IMMP2L: variants seen among roughly 807,000 people sequenced by gnomAD.
IMMP2L encodes inner mitochondrial membrane peptidase subunit 2, also known as mitochondrial inner membrane protease subunit 2.
A neutral mutation model predicts 19.3 loss-of-function variants in IMMP2L; 18 were observed. That is an observed-to-expected ratio of 0.93 (90% CI 0.64 to 1.38). The LOEUF is 1.38. Ranked by LOEUF, IMMP2L falls within the 40% of genes most tolerant of loss-of-function variation. IMMP2L has a pLI of 0.00. For synonymous variants in IMMP2L, 76 were observed against 73.0 expected, an observed-to-expected ratio of 1.04 and a Z score of -0.21; for missense variants, 233 against 218.2, an observed-to-expected ratio of 1.07 and a Z score of -0.43.
At chr7:111,360,792 T>C (rs1829188858) in intron 3 of IMMP2L, among the ~76,000 whole-genome samples, 1 of 152,120 alleles carries the variant, frequency 6.6e-6, no homozygotes, top group African/African-American at 2.4e-5. Flanking sequence ...CACTATAGCC[T>C]GGGCGACAGA....
chr7:110,785,755 T>A (rs547688400), intron 5 of IMMP2L, among the ~76,000 whole-genome samples: 10 of 151,982 alleles, frequency 6.6e-5, no homozygotes, highest in African/African-American at 2.4e-4. Context: ...CAACAGGCTA[T>A]ATCATCATAT....
intron 4 of IMMP2L, among the ~76,000 whole-genome samples, chr7:110,932,716 G>T (rs2129551915): frequency 6.6e-6 from 1 of 152,004 alleles, no homozygotes; most frequent in Admixed American, 6.5e-5. Flanking sequence ...TTTTGCCTTT[G>T]CAAAAAAAGG....
At chr7:110,913,323 A>G (rs1164132607) in intron 4 of IMMP2L, among the ~76,000 whole-genome samples, 4 of 152,178 alleles carry the variant, frequency 2.6e-5, no homozygotes, top group Non-Finnish European at 4.4e-5. Flanking sequence ...TGGTTAGCAA[A>G]TGCCAAGGAG....
chr7:110,703,643 G>A (rs1041270953), intron 5 of IMMP2L, among the ~76,000 whole-genome samples: 2 of 152,060 alleles, frequency 1.3e-5, no homozygotes, highest in Admixed American at 6.6e-5. Flanking sequence ...AAGCAATGGG[G>A]AACAAAGAAA....
intron 3 of IMMP2L, among the ~76,000 whole-genome samples, chr7:111,087,971 C>T (rs1796501110): frequency 6.6e-6 from 1 of 152,084 alleles, no homozygotes; most frequent in African/African-American, 2.4e-5. Context: ...AGAGATAATA[C>T]TTTTAAACCA....
chr7:111,500,345 G>C (rs1844073569), intron 2 of IMMP2L, among the ~76,000 whole-genome samples: 1 of 152,186 alleles, frequency 6.6e-6, no homozygotes, highest in African/African-American at 2.4e-5. Flanking sequence ...AGCTCAAGGA[G>C]GCCTGCCTGC....
chr7:110,986,702 G>GTCAAA (rs935649665), intron 3 of IMMP2L, among the ~76,000 whole-genome samples: 2 of 151,906 alleles, frequency 1.3e-5, no homozygotes, highest in Non-Finnish European at 2.9e-5. Context: ...TTGATTGTTG[G>GTCAAA]TCAAATCTCA....
intron 3 of IMMP2L, among the ~76,000 whole-genome samples, chr7:111,101,879 T>G (rs2129580282): frequency 6.6e-6 from 1 of 151,582 alleles, no homozygotes; most frequent in African/African-American, 2.4e-5. Flanking sequence ...TTCTTGGCAG[T>G]CAGGTGATAT....
At chr7:111,540,314 C>T (rs1048060423) in intron 1 of IMMP2L, among the ~76,000 whole-genome samples, 1 of 152,066 alleles carries the variant, frequency 6.6e-6, no homozygotes, top group African/African-American at 2.4e-5. Context: ...GACTAATAAG[C>T]AAAAATGGGC....
chr7:111,380,397 C>T (rs1831083575), intron 3 of IMMP2L, among the ~76,000 whole-genome samples: 1 of 151,932 alleles, frequency 6.6e-6, no homozygotes, highest in South Asian at 2.1e-4. Context: ...CACACACAGA[C>T]TGATAACAAC....
intron 4 of IMMP2L, among the ~76,000 whole-genome samples, chr7:110,895,912 G>A (rs1254875299): frequency 6.6e-6 from 1 of 151,926 alleles, no homozygotes; most frequent in African/African-American, 2.4e-5. Flanking sequence ...GTTTTATTTT[G>A]TAGAGTTGTC....
At chr7:110,840,967 A>G (rs1162987823) in intron 5 of IMMP2L, among the ~76,000 whole-genome samples, 5 of 152,046 alleles carry the variant, frequency 3.3e-5, no homozygotes, top group African/African-American at 1.2e-4. Context: ...ACAAACCATG[A>G]GCTGGATTCT....
In IMMP2L at chr7:111,203,999, A is replaced by AT. The variant is rs139265991; in HGVS notation, c.240-240435_240-240434insA. On this transcript the variant is annotated intron_variant, in intron 3 of 5. Transcript: ENST00000405709. ...GAACTGCTGAATGGACTCACAAATCACTTATACTTTTAAAGTCTAACCATC... is the reference window on the plus strand; with the variant it reads ...GAACTGCTGAATGGACTCACAAATCATCTTATACTTTTAAAGTCTAACCATC... Among the ~76,000 whole-genome samples, 1,505 of 152,270 alleles carry AT rather than the reference A, an allele frequency of 9.9e-3. 37 individuals are homozygous for AT. The highest frequency in any genetic ancestry group is 0.035 in the African/African-American group (1,439 of 41,540).
At chr7:110,881,709 A>C (rs1809653626) in intron 5 of IMMP2L, among the ~76,000 whole-genome samples, 1 of 152,188 alleles carries the variant, frequency 6.6e-6, no homozygotes, top group South Asian at 2.1e-4. Context: ...ACAATTCGAC[A>C]ATAAAAAATG....
At chr7:111,196,764 G>A (rs1206783163) in intron 3 of IMMP2L, among the ~76,000 whole-genome samples, 2 of 151,974 alleles carry the variant, frequency 1.3e-5, no homozygotes, top group Non-Finnish European at 2.9e-5. Context: ...TTCACTGCAC[G>A]TTTGTTGTTT....
chr7:111,393,163 C>CCA (rs1832537825), intron 3 of IMMP2L, among the ~76,000 whole-genome samples: 1 of 151,820 alleles, frequency 6.6e-6, no homozygotes, highest in African/African-American at 2.4e-5. Flanking sequence ...TTTTAAGGGC[C>CCA]CACCAAGAAT....
intron 3 of IMMP2L, among the ~76,000 whole-genome samples, chr7:111,073,479 C>G (rs1041611226): frequency 6.6e-6 from 1 of 151,974 alleles, no homozygotes; most frequent in African/African-American, 2.4e-5. Context: ...TTTTTTCATT[C>G]AAGCCTGCAT....
chr7:111,059,774 T>C (rs993780818), intron 3 of IMMP2L, among the ~76,000 whole-genome samples: 5 of 152,304 alleles, frequency 3.3e-5, no homozygotes, highest in South Asian at 2.1e-4. Context: ...TATCCTTGCC[T>C]TCTCATGATG....
At chr7:111,167,239 G>C (rs1291837879) in intron 3 of IMMP2L, among the ~76,000 whole-genome samples, 1 of 151,896 alleles carries the variant, frequency 6.6e-6, no homozygotes, top group Non-Finnish European at 1.5e-5. Flanking sequence ...CTCTGATTAT[G>C]TCCAGGAATA....
Sources: allele counts gnomAD v4.1 joint callset (sites outside exome capture counted in the v4.1 genomes callset), GRCh38; gene constraint gnomAD v4.1.1; transcripts MANE v1.5; gene names NCBI Gene and HGNC (gene_info 2026-07-23, HGNC 2026-07-21).